The following BANK1 variants were observed in gnomAD, a reference collection of about 807,000 sequenced individuals.
BANK1 encodes the protein B-cell scaffold protein with ankyrin repeats.
In BANK1, 95 loss-of-function variants were observed where a neutral mutation model predicts 94.5. That is an observed-to-expected ratio of 1.00 (90% confidence interval 0.85 to 1.19). The LOEUF (loss-of-function observed/expected upper bound fraction) is 1.19, where lower values mean the gene tolerates loss of function less well. BANK1 is among the 50% of genes most tolerant of loss of function. The probability of loss-of-function intolerance (pLI) is 0.00; values close to 1 mark genes in which losing one functional copy is unlikely to be tolerated. For missense variants in BANK1, 987 were observed against 932.2 expected (o/e 1.06, Z -0.77); for synonymous variants, 334 against 308.4 (o/e 1.08, Z -0.87).
chr4:101,852,202 T>A (rs970023574), intron 2 of BANK1, among the ~76,000 whole-genome samples: 1 of 151,908 alleles, frequency 6.6e-6, no homozygotes, highest in Non-Finnish European at 1.5e-5. Context: ...TTAAAAGCAA[T>A]CTTTTCTATT....
In BANK1 at chr4:101,966,728, C is replaced by A. The variant is rs1352560239; in HGVS notation, c.1206+48539C>A. ...AGAATAAATCACATAAAGACAACTT[C>A]AAGGATAAGAAATATTTACCATTGG... On this transcript the variant is annotated intron_variant, in intron 7 of 16. Transcript: ENST00000322953. Among the ~76,000 whole-genome samples, 7 of 152,116 alleles carry A rather than the reference C, an allele frequency of 4.6e-5. No individual in the cohort carries two copies. In the East Asian group the frequency reaches 1.4e-3, roughly 29 times the overall value.
chr4:101,855,568 G>A (rs912520323), intron 3 of BANK1, among the ~76,000 whole-genome samples: 1 of 152,058 alleles, frequency 6.6e-6, no homozygotes, highest in Non-Finnish European at 1.5e-5. Context: ...AATAGTGAAG[G>A]TTATATGGAA....
chr4:101,959,348 C>T (rs1467049205), intron 7 of BANK1, among the ~76,000 whole-genome samples: 3 of 152,068 alleles, frequency 2.0e-5, no homozygotes, highest in South Asian at 4.1e-4. Context: ...CCATATTGGC[C>T]AGGCTGGTCT....
At chr4:102,037,405 C>T (rs190021927) in intron 10 of BANK1, among the ~76,000 whole-genome samples, 2 of 152,136 alleles carry the variant, frequency 1.3e-5, no homozygotes, top group African/African-American at 4.8e-5. Flanking sequence ...ACAGGTGCAT[C>T]GAACAACCAT....
At chr4:101,988,576 C>G (rs1725592434) in intron 7 of BANK1, among the ~76,000 whole-genome samples, 1 of 152,134 alleles carries the variant, frequency 6.6e-6, no homozygotes, top group Admixed American at 6.6e-5. Context: ...TACAACATTT[C>G]CTTCCCACTA....
At chr4:101,873,570 T>TA (rs1728378760) in intron 5 of BANK1, among the ~76,000 whole-genome samples, 1 of 152,188 alleles carries the variant, frequency 6.6e-6, no homozygotes, top group Non-Finnish European at 1.5e-5. Context: ...AAAGAAGTAA[T>TA]AATGAGAAAT....
chr4:102,061,413 G>C (rs1330895711), intron 12 of BANK1: 1 of 152,174 alleles, frequency 6.6e-6, no homozygotes, highest in Non-Finnish European at 1.5e-5. Context: ...AGCAAAGGCA[G>C]TTGTTATGTT....
At chr4:101,989,843 A>C (rs1415128964) in intron 7 of BANK1, among the ~76,000 whole-genome samples, 5 of 152,180 alleles carry the variant, frequency 3.3e-5, no homozygotes, top group Non-Finnish European at 7.4e-5. Flanking sequence ...ATATCTCATT[A>C]CTGTTGATGT....
At chr4:101,985,759 A>T (rs896760561) in intron 7 of BANK1, among the ~76,000 whole-genome samples, 1 of 152,134 alleles carries the variant, frequency 6.6e-6, no homozygotes, top group Non-Finnish European at 1.5e-5. Flanking sequence ...TAAAAAAAAT[A>T]AAAATCTACA....
chr4:101,935,922 A>G (rs1273800089), intron 7 of BANK1, among the ~76,000 whole-genome samples: 5 of 151,726 alleles, frequency 3.3e-5, no homozygotes, highest in African/African-American at 1.2e-4. Flanking sequence ...CTGAAAATGG[A>G]TTAAAGACTT....
At chr4:101,946,325 G>A (rs1209347324) in intron 7 of BANK1, among the ~76,000 whole-genome samples, 1 of 151,938 alleles carries the variant, frequency 6.6e-6, no homozygotes, top group African/African-American at 2.4e-5. Context: ...GTGAGTCTAC[G>A]TTTGTTCCAC....
chr4:101,799,671 G>A (rs552460727), intron 1 of BANK1, among the ~76,000 whole-genome samples: 6 of 152,164 alleles, frequency 3.9e-5, no homozygotes, highest in South Asian at 2.1e-4. Context: ...TCAGGAGATC[G>A]AGGCCATCCT....
At chr4:101,867,873 G>A (rs1457871661) in intron 4 of BANK1, among the ~76,000 whole-genome samples, 2 of 151,716 alleles carry the variant, frequency 1.3e-5, no homozygotes, top group Non-Finnish European at 2.9e-5. Context: ...AGAAAAGGTT[G>A]GGGTAGAGAG....
At position 101,899,682 on chromosome 4, in the gene BANK1, G is replaced by A. The variant is rs182466774; in HGVS notation, c.1009+4272G>A. 5.6e-3 allele frequency among the ~76,000 whole-genome samples: 850 copies of A among 152,138 alleles called. 11 individuals carry two copies. Among genetic ancestry groups the A allele is most frequent in the African/African-American group, 0.019 (791 of 41,506 alleles). ...AACATACTGTGGTTGGAGGCTGTGA[G>A]TACAAAACAGGAAGGAAAGAAGAAG... On this transcript the variant is annotated intron_variant, in intron 6 of 16. Transcript: ENST00000322953.
intron 2 of BANK1, among the ~76,000 whole-genome samples, chr4:101,845,300 A>G (rs562341537): frequency 6.6e-6 from 1 of 152,312 alleles, no homozygotes; most frequent in African/African-American, 2.4e-5. Flanking sequence ...ATGTACATAT[A>G]GCAGTCAGAT....
At chr4:101,802,299 A>T (rs1387156888) in intron 1 of BANK1, among the ~76,000 whole-genome samples, 2 of 152,256 alleles carry the variant, frequency 1.3e-5, no homozygotes, top group African/African-American at 4.8e-5. Context: ...TTCTATGAAT[A>T]AAGCTTTAGT....
chr4:101,940,931 A>G (rs990653279), intron 7 of BANK1, among the ~76,000 whole-genome samples: 1 of 151,598 alleles, frequency 6.6e-6, no homozygotes, highest in African/African-American at 2.4e-5. Context: ...CACAATCCAC[A>G]CTTAGGGAGT....
At chr4:101,844,829 CA>C (rs1227886618) in intron 2 of BANK1, among the ~76,000 whole-genome samples, 2 of 152,164 alleles carry the variant, frequency 1.3e-5, no homozygotes, top group Non-Finnish European at 2.9e-5. Flanking sequence ...CAACCCCAAA[CA>C]AGCTTCTTTT....
chr4:102,051,775 T>C (rs1728055568), intron 11 of BANK1, among the ~76,000 whole-genome samples: 1 of 152,152 alleles, frequency 6.6e-6, no homozygotes, highest in African/African-American at 2.4e-5. Context: ...AAAATATTCC[T>C]TCCAGTTGAA....
Sources: gnomAD v4.1 joint callset for allele counts (sites outside exome capture counted in the v4.1 genomes callset) on GRCh38, gnomAD v4.1.1 for gene constraint, MANE v1.5 for transcripts, NCBI Gene and HGNC (gene_info 2026-07-23, HGNC 2026-07-21) for gene names.